The following CR1 variants were observed in gnomAD, a reference collection of about 807,000 sequenced individuals.
The protein encoded by CR1 is complement C3b/C4b receptor 1 (Knops blood group).
CR1 carries 116 observed loss-of-function variants against 187.3 expected under a neutral mutation model. The observed-to-expected ratio is 0.62, with a 90% confidence interval of 0.53 to 0.72. The LOEUF (loss-of-function observed/expected upper bound fraction) is 0.72, where lower values mean the gene tolerates loss of function less well. CR1 is among the 30% of genes least tolerant of loss of function. The probability of loss-of-function intolerance (pLI) is 0.00; values close to 1 mark genes in which losing one functional copy is unlikely to be tolerated. For synonymous variants in CR1, 576 were observed against 747.1 expected, an observed-to-expected ratio of 0.77 and a Z score of 3.73; for missense variants, 1,731 against 2,110.7, an observed-to-expected ratio of 0.82 and a Z score of 3.52.
intron 46 of CR1, among the ~76,000 whole-genome samples, chr1:207,636,070 C>A (rs943551594): frequency 2.0e-5 from 3 of 151,494 alleles, no homozygotes; most frequent in African/African-American, 7.3e-5. Context: ...TTTCTTTTCC[C>A]CACATTTCCC....
chr1:207,577,319 G>T (rs1447644221), intron 28 of CR1, among the ~76,000 whole-genome samples: 1 of 151,576 alleles, frequency 6.6e-6, no homozygotes, highest in Admixed American at 6.6e-5. Flanking sequence ...GTGAAATAAG[G>T]TTAACTGAGT....
chr1:207,614,919 C>T (rs1438617584), intron 40 of CR1, among the ~76,000 whole-genome samples: 5 of 152,124 alleles, frequency 3.3e-5, no homozygotes, highest in African/African-American at 9.7e-5. Context: ...AAATGACCCT[C>T]GCACCTCAGC....
intron 41 of CR1, 54 bp from the exon 42 acceptor site, chr1:207,618,017 G>A: frequency 6.4e-7 from 1 of 1,570,274 alleles, no homozygotes. Flanking sequence ...GTATTCATAT[G>A]TCTATGTTTA....
Position 207,639,704 on chromosome 1 carries a change from G to T in CR1, c.*295G>T, listed in dbSNP as rs567915761. The T allele has an allele frequency of 7.2e-6, 2 of 279,210 alleles. No individual in the cohort carries two copies. Among genetic ancestry groups the T allele is most frequent in the Non-Finnish European group, 1.3e-5 (2 of 150,262 alleles). The allele number at this position is 279,210 out of a possible 1,614,324, so 17.3% of individuals were successfully genotyped here. ...AGAAAATAGTTTGGATTACTTAAAG[G>T]AATAAGGTGTTGCCTGGAATTTCTG... is the stretch of plus-strand genomic sequence containing the variant. On this transcript the variant is annotated 3_prime_UTR_variant, in exon 47 of 47. Coordinates refer to ENST00000367049, the MANE Select transcript of CR1 (RefSeq NM_000651.6).
At chr1:207,636,444 A>AT (rs113354390) in intron 46 of CR1, among the ~76,000 whole-genome samples, 35,937 of 151,864 alleles carry the variant, frequency 0.24, 6,513 homozygotes, top group African/African-American at 0.5. Context: ...CTTGGGGTGT[A>AT]ATACAAAAAT....
In CR1 at chr1:207,565,940, A is replaced by T; in HGVS notation, c.3952+17A>T. The stretch of plus-strand genomic sequence containing the variant: ...TGTGTGAACGTGAGTAATAGGAGCA[A>T]CATTTCAGGCCAATCTCTCCCCTTC... On this transcript the variant is annotated intron_variant, in intron 24 of 46. Coordinates refer to ENST00000367049, the MANE Select transcript of CR1 (RefSeq NM_000651.6). The T allele has an allele frequency of 6.2e-7, 1 of 1,610,986 alleles. No homozygotes were observed. The highest frequency in any genetic ancestry group is 8.5e-7 in the Non-Finnish European group (1 of 1,179,610).
chr1:207,496,183 T>C lies in CR1; in HGVS notation c.-85T>C. The C allele has an allele frequency of 6.2e-7, 1 of 1,608,704 alleles. No homozygotes were observed. The highest frequency in any genetic ancestry group is 1.7e-5 in the Admixed American group (1 of 59,542). ...CACTCTGGGCGCGGAGCACAATGAT[T>C]GGTCACTCCTATTTTCGCTGAGCTT... On this transcript the variant is annotated 5_prime_UTR_variant, in exon 1 of 47. Transcript: ENST00000367049.
intron 35 of CR1, among the ~76,000 whole-genome samples, chr1:207,594,368 C>T (rs1661366248): frequency 6.6e-6 from 1 of 152,142 alleles, no homozygotes; most frequent in African/African-American, 2.4e-5. Flanking sequence ...AAACCAACCA[C>T]CGCATGTTCT....
chr1:207,579,127 C>G (rs2102340681), intron 29 of CR1, among the ~76,000 whole-genome samples: 1 of 152,322 alleles, frequency 6.6e-6, no homozygotes, highest in Non-Finnish European at 1.5e-5. Flanking sequence ...ACGAACAGGA[C>G]TATAAATAAA....
intron 35 of CR1, among the ~76,000 whole-genome samples, chr1:207,605,625 C>T (rs17047598): frequency 0.015 from 2,220 of 152,154 alleles, 62 homozygotes; most frequent in African/African-American, 0.051. Context: ...TCTAGGAGGC[C>T]AAAAGTCAGA....
At chr1:207,594,643 A>C (rs1558255076) in intron 35 of CR1, among the ~76,000 whole-genome samples, 1 of 152,168 alleles carries the variant, frequency 6.6e-6, no homozygotes, top group Non-Finnish European at 1.5e-5. Flanking sequence ...TTGCCATGAT[A>C]AATTCAGAGA....
At chr1:207,607,926 T>C (rs1221211519) in intron 36 of CR1, among the ~76,000 whole-genome samples, 1 of 152,204 alleles carries the variant, frequency 6.6e-6, no homozygotes, top group Non-Finnish European at 1.5e-5. Context: ...CAAAGTGTTA[T>C]AGCTGTGAAG....
intron 46 of CR1, among the ~76,000 whole-genome samples, chr1:207,635,064 C>T (rs1484600289): frequency 6.6e-6 from 1 of 152,148 alleles, no homozygotes; most frequent in Non-Finnish European, 1.5e-5. Flanking sequence ...GCAGCCATCA[C>T]AGAGGGCAAT....
intron 46 of CR1, among the ~76,000 whole-genome samples, chr1:207,637,456 G>A (rs1201786851): frequency 6.6e-6 from 1 of 152,228 alleles, no homozygotes; most frequent in Non-Finnish European, 1.5e-5. Context: ...TTTCCCTTTA[G>A]GTCTAAATTT....
intron 4 of CR1, among the ~76,000 whole-genome samples, chr1:207,515,358 G>T (rs1424053933): frequency 1.3e-5 from 2 of 150,098 alleles, no homozygotes; most frequent in African/African-American, 4.9e-5. Context: ...TCTTAATCAT[G>T]CAGTTCAATG....
At chr1:207,635,857 G>A (rs1443091444) in intron 46 of CR1, among the ~76,000 whole-genome samples, 1 of 152,172 alleles carries the variant, frequency 6.6e-6, no homozygotes, top group Non-Finnish European at 1.5e-5. Flanking sequence ...CTGCCTTCAA[G>A]CATTTGTTTA....
At chr1:207,519,471 A>G (rs1460803560) in intron 4 of CR1, among the ~76,000 whole-genome samples, 3 of 151,738 alleles carry the variant, frequency 2.0e-5, no homozygotes, top group African/African-American at 7.3e-5. Flanking sequence ...TCCATTTTTT[A>G]TTCTTAAATG....
At position 207,564,688 on chromosome 1, in the gene CR1, C is replaced by T. The variant is rs548190390; in HGVS notation, c.3866+454C>T. ...TGGTGGCATGTGCCTGTAATCCCAG[C>T]TACTCCGGAGGCTGAGGCACCAGAA... On this transcript the variant is annotated intron_variant, in intron 23 of 46. Coordinates refer to ENST00000367049, the MANE Select transcript of CR1 (RefSeq NM_000651.6). 1.2e-4 allele frequency among the ~76,000 whole-genome samples: 18 copies of T among 150,066 alleles called. 1 individual carries two copies. The highest frequency in any genetic ancestry group is 3.8e-4 in the African/African-American group (15 of 39,564).
intron 4 of CR1, among the ~76,000 whole-genome samples, chr1:207,520,968 G>GTTTTTTTTTTTTTTGTTT (rs1659970744): frequency 2.2e-5 from 1 of 44,568 alleles, no homozygotes; most frequent in African/African-American, 1.0e-4. Flanking sequence ...TTTTTTGGTT[G>GTTTTTTTTTTTTTTGTTT]TTTTTTTTTT....
Sources: allele counts gnomAD v4.1 joint callset (sites outside exome capture counted in the v4.1 genomes callset), GRCh38; gene constraint gnomAD v4.1.1; transcripts MANE v1.5; gene names NCBI Gene and HGNC (gene_info 2026-07-23, HGNC 2026-07-21).